CCDC141: variants seen among roughly 807,000 people sequenced by gnomAD.
CCDC141 encodes coiled-coil domain-containing protein 141.
In CCDC141, 168 loss-of-function variants were observed where a neutral mutation model predicts 181.0. The observed-to-expected ratio is 0.93, with a 90% confidence interval of 0.82 to 1.05. CCDC141 has a LOEUF of 1.05. Ranked by LOEUF, CCDC141 falls within the 50% of genes least tolerant of loss-of-function variation. The probability of loss-of-function intolerance (pLI) is 0.00; values close to 1 mark genes in which losing one functional copy is unlikely to be tolerated. For missense variants in CCDC141, 1,902 were observed against 1,788.5 expected (o/e 1.06, Z -1.14); for synonymous variants, 666 against 642.3 (o/e 1.04, Z -0.56).
intron 5 of CCDC141, among the ~76,000 whole-genome samples, chr2:178,953,597 T>A (rs546810802): frequency 6.6e-6 from 1 of 152,358 alleles, no homozygotes; most frequent in South Asian, 2.1e-4. Context: ...GGACCAGGAC[T>A]TTTTGTTGAT....
At chr2:178,895,525 C>A (rs1396359355) in intron 8 of CCDC141, among the ~76,000 whole-genome samples, 1 of 152,242 alleles carries the variant, frequency 6.6e-6, no homozygotes, top group Middle Eastern at 3.4e-3. Context: ...GTAGTTAATC[C>A]TGGATTTAAT....
chr2:178,821,721 A>G, the CCDC141 span, among the ~76,000 whole-genome samples: 1 of 152,202 alleles, frequency 6.6e-6, no homozygotes, highest in South Asian at 2.1e-4. Context: ...ACCATCTCAC[A>G]CCAGTTAGAA....
chr2:178,846,804 G>A (rs948598060), intron 21 of CCDC141, among the ~76,000 whole-genome samples: 13 of 151,860 alleles, frequency 8.6e-5, no homozygotes, highest in Admixed American at 2.6e-4. Context: ...CCTTCTTTTC[G>A]TCTCAACATT....
intron 21 of CCDC141, among the ~76,000 whole-genome samples, chr2:178,848,901 T>C (rs1290459635): frequency 6.6e-6 from 1 of 152,196 alleles, no homozygotes; most frequent in Admixed American, 6.5e-5. Flanking sequence ...TCATTTCATA[T>C]ATTAAAAATT....
intron 6 of CCDC141, among the ~76,000 whole-genome samples, chr2:178,925,304 G>GA (rs2154375337): frequency 6.6e-6 from 1 of 152,342 alleles, no homozygotes; most frequent in Admixed American, 6.5e-5. Context: ...AATAGCCTAT[G>GA]ACTTGGAAAT....
Position 178,869,099 on chromosome 2 carries a change from A to G in CCDC141, c.2394+18T>C. The G allele has an allele frequency of 6.8e-7, 1 of 1,475,628 alleles. No homozygotes were observed. The highest frequency in any genetic ancestry group is 9.0e-7 in the Non-Finnish European group (1 of 1,114,654). The allele number at this position is 1,475,628 out of a possible 1,614,324, so 91.4% of individuals were successfully genotyped here. On this transcript the variant is annotated intron_variant, in intron 15 of 23. Transcript: ENST00000443758. ...GTTTAAAACTCAGGATTTTTCAGAC[A>G]TCCCTTCTAAGCCTTACCTCTTCCT...
chr2:178,970,859 A>G (rs1432399053), intron 4 of CCDC141, among the ~76,000 whole-genome samples: 1 of 152,244 alleles, frequency 6.6e-6, no homozygotes, highest in Non-Finnish European at 1.5e-5. Context: ...AAATGTTTGC[A>G]ATCTATCCAT....
chr2:179,046,856 T>C (rs1398486453), intron 2 of CCDC141, among the ~76,000 whole-genome samples: 2 of 152,234 alleles, frequency 1.3e-5, no homozygotes, highest in Non-Finnish European at 2.9e-5. Flanking sequence ...CTCTTAATAC[T>C]AAGCACAGAA....
At chr2:178,950,868 T>G (rs1012894492) in intron 5 of CCDC141, among the ~76,000 whole-genome samples, 1 of 152,232 alleles carries the variant, frequency 6.6e-6, no homozygotes. Context: ...AATAATTTTA[T>G]GTATTTAACT....
chr2:179,021,334 T>A (rs2042687362), intron 2 of CCDC141, among the ~76,000 whole-genome samples: 1 of 152,194 alleles, frequency 6.6e-6, no homozygotes, highest in African/African-American at 2.4e-5. Flanking sequence ...CCCATGCCTA[T>A]CTGAAGGGGG....
intron 20 of CCDC141, among the ~76,000 whole-genome samples, chr2:178,850,769 T>C (rs1274407064): frequency 6.6e-6 from 1 of 152,232 alleles, no homozygotes; most frequent in Non-Finnish European, 1.5e-5. Context: ...GGTTTCTCTC[T>C]ATATATTGTA....
At chr2:178,994,760 T>C (rs1445086191) in intron 2 of CCDC141, among the ~76,000 whole-genome samples, 1 of 152,182 alleles carries the variant, frequency 6.6e-6, no homozygotes, top group Non-Finnish European at 1.5e-5. Flanking sequence ...CCCAGTCACC[T>C]CTTGAATGCT....
chr2:178,940,853 G>A (rs753100236), intron 6 of CCDC141, among the ~76,000 whole-genome samples: 5 of 152,086 alleles, frequency 3.3e-5, no homozygotes, highest in African/African-American at 4.8e-5. Context: ...GCTCTGGAAA[G>A]GTGTTTTCTA....
rs373641848 is a variant in CCDC141, at chr2:179,028,634, G to C, written c.225+18650C>G. ...TTTTTCTTATCCTATAGGATTTAAG[G>C]TTTGGGATTATCTTCAACTTTTCCC... is the stretch of plus-strand genomic sequence containing the variant. On this transcript the variant is annotated intron_variant, in intron 2 of 23. Transcript: ENST00000443758. Among the ~76,000 whole-genome samples the C allele has an allele frequency of 2.6e-5, 4 of 152,146 alleles. No individual in the cohort carries two copies. The South Asian group carries it at 8.3e-4, about 32-fold the overall frequency.
intron 17 of CCDC141, among the ~76,000 whole-genome samples, chr2:178,861,261 G>A (rs1266055708): frequency 6.6e-6 from 1 of 152,018 alleles, no homozygotes; most frequent in Non-Finnish European, 1.5e-5. Context: ...CAAACTCATG[G>A]GCACATGGGA....
chr2:178,835,182 A>G (rs1456331674), intron 23 of CCDC141, among the ~76,000 whole-genome samples: 3 of 152,070 alleles, frequency 2.0e-5, no homozygotes, highest in Non-Finnish European at 4.4e-5. Flanking sequence ...AGACTCATCT[A>G]CCCCATCATA....
At chr2:178,847,734 C>T (rs1262877826) in intron 21 of CCDC141, among the ~76,000 whole-genome samples, 1 of 152,058 alleles carries the variant, frequency 6.6e-6, no homozygotes, top group Admixed American at 6.5e-5. Context: ...AATGTTTATG[C>T]TCCCCCAAAG....
At chr2:178,975,339 G>C (rs1348278628) in intron 3 of CCDC141, among the ~76,000 whole-genome samples, 174 bp from the exon 4 acceptor site, 1 of 152,146 alleles carries the variant, frequency 6.6e-6, no homozygotes, top group Non-Finnish European at 1.5e-5. Context: ...GTGTTTGCAT[G>C]AGGGTGTGTG....
intron 19 of CCDC141, among the ~76,000 whole-genome samples, chr2:178,853,982 G>T (rs1325034110): frequency 6.6e-6 from 1 of 152,076 alleles, no homozygotes; most frequent in Non-Finnish European, 1.5e-5. Context: ...GCACTAAAAA[G>T]AATCCAAATA....
Sources: allele counts gnomAD v4.1 joint callset (sites outside exome capture counted in the v4.1 genomes callset), GRCh38; gene constraint gnomAD v4.1.1; transcripts MANE v1.5; gene names NCBI Gene and HGNC (gene_info 2026-07-23, HGNC 2026-07-21).